Variants in SLC4A10 observed in about 807,000 individuals in gnomAD.
SLC4A10 encodes the protein sodium-driven chloride bicarbonate exchanger.
A neutral mutation model predicts 137.7 loss-of-function variants in SLC4A10; 42 were observed. That is an observed-to-expected ratio of 0.30 (90% CI 0.24 to 0.39). The LOEUF (loss-of-function observed/expected upper bound fraction) is 0.39, where lower values mean the gene tolerates loss of function less well. Among genes scored for constraint, SLC4A10 ranks in the 10% least tolerant of loss-of-function variants. The pLI is 1.00. For missense variants in SLC4A10, 925 were observed against 1,355.0 expected (o/e 0.68, Z 4.98); for synonymous variants, 474 against 464.1 (o/e 1.02, Z -0.27).
At chr2:161,882,614 T>C (rs1259635348) in intron 10 of SLC4A10, among the ~76,000 whole-genome samples, 170 bp downstream of exon 10, 1 of 152,086 alleles carries the variant, frequency 6.6e-6, no homozygotes, top group Non-Finnish European at 1.5e-5. Flanking sequence ...CCCAAAGGGA[T>C]AATAAATTAA....
chr2:161,747,551 C>A (rs2048513369), intron 1 of SLC4A10, among the ~76,000 whole-genome samples: 1 of 152,038 alleles, frequency 6.6e-6, no homozygotes, highest in African/African-American at 2.4e-5. Flanking sequence ...TATGAAGGTG[C>A]TTTCTTGTGT....
At chr2:161,918,421 T>C (rs1687518611) in intron 15 of SLC4A10, among the ~76,000 whole-genome samples, 1 of 152,108 alleles carries the variant, frequency 6.6e-6, no homozygotes, top group Non-Finnish European at 1.5e-5. Flanking sequence ...CTCCCCAAGT[T>C]CTGGAATTAC....
In SLC4A10 at chr2:161,879,176, T is replaced by A. The variant is rs774405059; in HGVS notation, c.994T>A (p.Ser332Thr). 6.2e-7 allele frequency: 1 copy of A among 1,613,554 alleles called. No homozygotes were observed. The highest frequency in any genetic ancestry group is 8.5e-7 in the Non-Finnish European group (1 of 1,179,598). Residue 332 changes from serine (S) to threonine (T), a missense_variant, in exon 9 of 27, where the codon TCG (serine) becomes ACG (threonine). Physicochemically the swap from Ser to Thr is moderately conservative, Grantham distance 58. Around this residue, in one of 11 missense-constraint regions of SLC4A10, gnomAD observed 277 missense variants for 306.1 expected, o/e 0.90. Coordinates refer to ENST00000446997, the MANE Select transcript of SLC4A10 (RefSeq NM_001178015.2). ...AAAGATTCCTCCAGGTGCTGAAGCA[T>A]CGAACATCTTAGTGGGAGAACTGGA... is the stretch of plus-strand genomic sequence containing the variant. Reference protein sequence around the residue: ...MKKIPPGAEASNILVGELEFL... With the variant: ...MKKIPPGAEATNILVGELEFL...
chr2:161,856,971 C>T (rs182674683), intron 5 of SLC4A10, among the ~76,000 whole-genome samples: 5 of 152,292 alleles, frequency 3.3e-5, no homozygotes, highest in Admixed American at 2.6e-4. Context: ...CATTCTACCA[C>T]CTGGCAAAAT....
Position 161,718,611 on chromosome 2 carries a change from G to C in SLC4A10, c.49-52362G>C, listed in dbSNP as rs192405001. On this transcript the variant is annotated intron_variant, in intron 1 of 26. Transcript: ENST00000446997. ...AATTTCCATGTAGTTGTGTAGTTTT[G>C]AGTGAGTTTCTTAATTTTGAATTCT... 7.2e-3 allele frequency among the ~76,000 whole-genome samples: 1,102 copies of C among 152,224 alleles called. 15 individuals are homozygous for C. The highest frequency in any genetic ancestry group is 7.6e-3 in the Non-Finnish European group (515 of 68,000).
intron 15 of SLC4A10, among the ~76,000 whole-genome samples, chr2:161,920,834 CACTT>C (rs1687996857): frequency 6.6e-6 from 1 of 152,220 alleles, no homozygotes; most frequent in African/African-American, 2.4e-5. Flanking sequence ...CTCATTCACT[CACTT>C]AGCTCATTCC....
chr2:161,743,796 G>A (rs2048150002), intron 1 of SLC4A10, among the ~76,000 whole-genome samples: 1 of 151,960 alleles, frequency 6.6e-6, no homozygotes, highest in African/African-American at 2.4e-5. Context: ...TTTTGTGTGT[G>A]TCCTCTTCAA....
At chr2:161,705,699 CT>C (rs2043588752) in intron 1 of SLC4A10, among the ~76,000 whole-genome samples, 2 of 151,556 alleles carry the variant, frequency 1.3e-5, no homozygotes, top group African/African-American at 4.8e-5. Flanking sequence ...GCCTTGCCCC[CT>C]TTTCTTCCAT....
intron 15 of SLC4A10, among the ~76,000 whole-genome samples, chr2:161,912,743 C>A (rs537889348): frequency 1.3e-5 from 2 of 152,236 alleles, no homozygotes; most frequent in East Asian, 1.9e-4. Context: ...TGGGCAATAT[C>A]ACTGACTTGT....
chr2:161,769,776 C>T lies in SLC4A10; in HGVS notation c.49-1197C>T, dbSNP rs527248495. Among the ~76,000 whole-genome samples, 4 of 151,766 alleles carry T rather than the reference C, an allele frequency of 2.6e-5. No individual in the cohort carries two copies. The East Asian group carries it at 7.8e-4, about 29-fold the overall frequency. On this transcript the variant is annotated intron_variant, in intron 1 of 26. Transcript: ENST00000446997. ...AGATTGAGATATTGAAATTTTTCCT[C>T]CCCCTCTCTCTGTTCTTTCCATGCT...
At chr2:161,711,135 G>A (rs529946074) in intron 1 of SLC4A10, among the ~76,000 whole-genome samples, 64 of 151,848 alleles carry the variant, frequency 4.2e-4, no homozygotes, top group African/African-American at 9.4e-4. Flanking sequence ...ATAGTTTCTC[G>A]TATAGGGCTT....
intron 8 of SLC4A10, among the ~76,000 whole-genome samples, chr2:161,875,432 A>T (rs1559438099): frequency 6.6e-6 from 1 of 152,210 alleles, no homozygotes; most frequent in Non-Finnish European, 1.5e-5. Flanking sequence ...ATCTTATATG[A>T]TTTGATCATA....
chr2:161,706,781 A>G (rs1271861965), intron 1 of SLC4A10, among the ~76,000 whole-genome samples: 2 of 151,598 alleles, frequency 1.3e-5, no homozygotes, highest in African/African-American at 4.8e-5. Flanking sequence ...CTTGAATGTG[A>G]CTAGATCAGA....
chr2:161,739,954 T>C (rs563329748), intron 1 of SLC4A10, among the ~76,000 whole-genome samples: 4 of 152,176 alleles, frequency 2.6e-5, no homozygotes, highest in African/African-American at 4.8e-5. Context: ...GGTCATGCCT[T>C]ATATGGGCAT....
At chr2:161,753,677 G>A (rs553044987) in intron 1 of SLC4A10, among the ~76,000 whole-genome samples, 16 of 152,048 alleles carry the variant, frequency 1.1e-4, no homozygotes, top group African/African-American at 3.6e-4. Flanking sequence ...AAGAGTGACC[G>A]ATGAAGAAAT....
intron 15 of SLC4A10, among the ~76,000 whole-genome samples, chr2:161,935,021 T>A (rs1691318853): frequency 6.6e-6 from 1 of 152,172 alleles, no homozygotes; most frequent in African/African-American, 2.4e-5. Flanking sequence ...CAAATGGCAA[T>A]GTTTTCTTAT....
chr2:161,655,574 A>G (rs1430106207), intron 1 of SLC4A10, among the ~76,000 whole-genome samples: 3 of 152,220 alleles, frequency 2.0e-5, no homozygotes, highest in Non-Finnish European at 4.4e-5. Flanking sequence ...CCAGGATCAG[A>G]TGGCTTCACT....
chr2:161,935,603 A>C (rs1324773070), intron 15 of SLC4A10, among the ~76,000 whole-genome samples: 2 of 152,132 alleles, frequency 1.3e-5, no homozygotes, highest in African/African-American at 4.8e-5. Flanking sequence ...CCTTTGGATT[A>C]AATTTATTCC....
chr2:161,782,336 G>A (rs145628536), intron 2 of SLC4A10, among the ~76,000 whole-genome samples: 12 of 152,124 alleles, frequency 7.9e-5, no homozygotes, highest in Non-Finnish European at 1.6e-4. Context: ...TGAGGTTTAA[G>A]AAGCTTTAGA....
Sources: allele counts gnomAD v4.1 joint callset (sites outside exome capture counted in the v4.1 genomes callset), GRCh38; gene constraint gnomAD v4.1.1; regional missense constraint gnomAD v4.1.1; transcripts MANE v1.5; gene names NCBI Gene and HGNC (gene_info 2026-07-23, HGNC 2026-07-21).